Variants in GABRB2 observed in about 807,000 individuals in gnomAD.
GABRB2 encodes gamma-aminobutyric acid type A receptor subunit beta2.
In GABRB2, 16 loss-of-function variants were observed where a neutral mutation model predicts 54.7. The ratio of observed to expected loss-of-function variants is 0.29; its 90% CI spans 0.20 to 0.44. GABRB2 has a LOEUF of 0.44. GABRB2 is among the 20% of genes least tolerant of loss of function. GABRB2 has a pLI of 1.00. For synonymous variants in GABRB2, 244 were observed against 233.8 expected (o/e 1.04, Z -0.40); for missense variants, 355 against 644.0 (o/e 0.55, Z 4.86).
chr5:161,547,011 T>C, upstream of GABRB2: 1 of 214,818 alleles, frequency 4.7e-6, no homozygotes, highest in Non-Finnish European at 9.3e-6. Context: ...GTTGTGGGTT[T>C]TTGGTGTGTG....
chr5:161,509,716 A>G (rs999643363), intron 3 of GABRB2, among the ~76,000 whole-genome samples: 10 of 151,942 alleles, frequency 6.6e-5, no homozygotes, highest in African/African-American at 2.4e-4. Context: ...AAACTAATCA[A>G]TCAGAACAAA....
intron 9 of GABRB2, among the ~76,000 whole-genome samples, chr5:161,303,139 C>G (rs1652575199): frequency 6.6e-6 from 1 of 152,146 alleles, no homozygotes; most frequent in Non-Finnish European, 1.5e-5. Flanking sequence ...TTTATAACAG[C>G]CCTTCCCATC....
intron 3 of GABRB2, among the ~76,000 whole-genome samples, chr5:161,534,276 T>C (rs1351692788): frequency 6.6e-6 from 1 of 152,116 alleles, no homozygotes; most frequent in African/African-American, 2.4e-5. Context: ...CATCTTACAA[T>C]GCACAAGATA....
intron 3 of GABRB2, among the ~76,000 whole-genome samples, chr5:161,525,337 T>C (rs1318072526): frequency 2.0e-5 from 3 of 151,346 alleles, no homozygotes. Context: ...AATATTCCAA[T>C]GTATATCTTT....
intron 9 of GABRB2, among the ~76,000 whole-genome samples, chr5:161,295,121 A>G (rs1339166800): frequency 6.6e-6 from 1 of 152,228 alleles, no homozygotes; most frequent in African/African-American, 2.4e-5. Context: ...TAGGAGCATA[A>G]CAGCCAGATC....
chr5:161,477,963 C>T (rs1362418356), intron 3 of GABRB2, among the ~76,000 whole-genome samples: 1 of 152,022 alleles, frequency 6.6e-6, no homozygotes, highest in African/African-American at 2.4e-5. Context: ...TCGTTAATTA[C>T]AGCTTTGTGT....
At chr5:161,297,480 T>G (rs1757415281) in intron 9 of GABRB2, among the ~76,000 whole-genome samples, 1 of 151,992 alleles carries the variant, frequency 6.6e-6, no homozygotes, top group Non-Finnish European at 1.5e-5. Context: ...CCCTTCCCTG[T>G]GTCTATGTGT....
chr5:161,327,399 A>ATT (rs370109186), intron 8 of GABRB2, among the ~76,000 whole-genome samples: 2 of 149,928 alleles, frequency 1.3e-5, no homozygotes, highest in African/African-American at 4.9e-5. Context: ...ATTTTATTTT[A>ATT]TTTTTTTTTG....
chr5:161,504,153 C>CA (rs1017404162), intron 3 of GABRB2, among the ~76,000 whole-genome samples: 88 of 151,314 alleles, frequency 5.8e-4, no homozygotes, highest in African/African-American at 2.0e-3. Context: ...TCAAGTAGAC[C>CA]AAAAAAAATC....
At chr5:161,547,774 G>A (rs1221728406), upstream of GABRB2, 2 of 152,192 alleles carry the variant, frequency 1.3e-5, no homozygotes, top group Admixed American at 6.5e-5. Context: ...GAGCAGGAAG[G>A]GCAGGTGGCC....
chr5:161,418,027 T>G (rs1756731497), intron 4 of GABRB2, among the ~76,000 whole-genome samples: 1 of 152,196 alleles, frequency 6.6e-6, no homozygotes, highest in Admixed American at 6.5e-5. Context: ...CTTCTGCAGC[T>G]GTTTGGCCTT....
chr5:161,465,746 C>G (rs182203502), intron 3 of GABRB2, among the ~76,000 whole-genome samples: 10 of 152,174 alleles, frequency 6.6e-5, no homozygotes, highest in Non-Finnish European at 8.8e-5. Context: ...ACAATACATA[C>G]ACACACATAC....
intron 3 of GABRB2, among the ~76,000 whole-genome samples, chr5:161,491,372 G>T (rs1759088776): frequency 6.6e-6 from 1 of 151,542 alleles, no homozygotes; most frequent in Non-Finnish European, 1.5e-5. Context: ...AGAAAGAAAT[G>T]TATTTATTTA....
At chr5:161,439,345 G>A (rs1183018781) in intron 4 of GABRB2, among the ~76,000 whole-genome samples, 1 of 151,976 alleles carries the variant, frequency 6.6e-6, no homozygotes, top group Non-Finnish European at 1.5e-5. Flanking sequence ...TTTCCCAGAT[G>A]AACAAAAACT....
At chr5:161,324,451 T>C (rs1187249529) in intron 9 of GABRB2, among the ~76,000 whole-genome samples, 1 of 152,172 alleles carries the variant, frequency 6.6e-6, no homozygotes, top group Non-Finnish European at 1.5e-5. Context: ...ATAAGGCCGT[T>C]GGTATAATTA....
intron 3 of GABRB2, among the ~76,000 whole-genome samples, chr5:161,478,342 A>C (rs1758656859): frequency 6.6e-6 from 1 of 152,046 alleles, no homozygotes; most frequent in Admixed American, 6.6e-5. Flanking sequence ...ACATATTACC[A>C]TTCTATTTTC....
At chr5:161,469,848 T>C (rs1423637979) in intron 3 of GABRB2, among the ~76,000 whole-genome samples, 1 of 151,954 alleles carries the variant, frequency 6.6e-6, no homozygotes, top group Non-Finnish European at 1.5e-5. Flanking sequence ...ACAAGCTCCT[T>C]ACAAAGCTCT....
chr5:161,536,926 TC>T (rs994443037), intron 3 of GABRB2, among the ~76,000 whole-genome samples: 2 of 152,060 alleles, frequency 1.3e-5, no homozygotes, highest in African/African-American at 4.8e-5. Flanking sequence ...GCTGTTTCCC[TC>T]TCCCTACATC....
At chr5:161,508,433 A>G (rs1321708462) in intron 3 of GABRB2, among the ~76,000 whole-genome samples, 2 of 151,180 alleles carry the variant, frequency 1.3e-5, no homozygotes, top group Non-Finnish European at 3.0e-5. Flanking sequence ...AGAGGTGGAT[A>G]ATGGGATTTG....
Sources: allele counts gnomAD v4.1 joint callset (sites outside exome capture counted in the v4.1 genomes callset), GRCh38; gene constraint gnomAD v4.1.1; transcripts MANE v1.5; gene names NCBI Gene and HGNC (gene_info 2026-07-23, HGNC 2026-07-21).